DMRT1: variants seen among roughly 807,000 people sequenced by gnomAD.
The protein encoded by DMRT1 is doublesex- and mab-3-related transcription factor 1.
Under a neutral mutation model 32.3 loss-of-function variants are expected in DMRT1, and 7 were observed. The observed-to-expected ratio is 0.22, with a 90% CI of 0.12 to 0.41. DMRT1 has a LOEUF of 0.41. Among genes scored for constraint, DMRT1 ranks in the 10% least tolerant of loss-of-function variants. The pLI, the probability that DMRT1 is intolerant of heterozygous loss-of-function variation, is 1.00. For missense variants in DMRT1, 625 were observed against 500.5 expected, an observed-to-expected ratio of 1.25 and a Z score of -2.37; for synonymous variants, 278 against 206.1, an observed-to-expected ratio of 1.35 and a Z score of -2.99.
intron 2 of DMRT1, among the ~76,000 whole-genome samples, chr9:855,280 T>C (rs1221671033): frequency 7.8e-6 from 1 of 128,862 alleles, no homozygotes; most frequent in Non-Finnish European, 1.7e-5. Context: ...AGAAAACATC[T>C]AGAGCCAGGA....
At chr9:915,310 T>C (rs1270732687) in intron 3 of DMRT1, among the ~76,000 whole-genome samples, 3 of 152,198 alleles carry the variant, frequency 2.0e-5, no homozygotes, top group Non-Finnish European at 4.4e-5. Flanking sequence ...ATCAGAGTCA[T>C]CAGGGCCAGG....
At chr9:906,227 C>A (rs891574479) in intron 3 of DMRT1, among the ~76,000 whole-genome samples, 1 of 152,114 alleles carries the variant, frequency 6.6e-6, no homozygotes, top group African/African-American at 2.4e-5. Flanking sequence ...CACCAGCCTG[C>A]GTCGGATCTT....
At chr9:851,518 G>A (rs769205371) in intron 2 of DMRT1, among the ~76,000 whole-genome samples, 6 of 152,154 alleles carry the variant, frequency 3.9e-5, no homozygotes, top group African/African-American at 4.8e-5. Context: ...GATTACAGGC[G>A]TGAGCCACTG....
chr9:947,385 A>G (rs542494662), intron 4 of DMRT1, among the ~76,000 whole-genome samples: 19 of 152,322 alleles, frequency 1.2e-4, no homozygotes, highest in Admixed American at 1.2e-3. Context: ...GGCCTAGTCC[A>G]TTATTGACAG....
intron 1 of DMRT1, among the ~76,000 whole-genome samples, chr9:843,745 G>A (rs910859498): frequency 6.6e-6 from 1 of 152,190 alleles, no homozygotes; most frequent in African/African-American, 2.4e-5. Context: ...TTTTGATTAG[G>A]AACGTGTAAA....
intron 2 of DMRT1, among the ~76,000 whole-genome samples, chr9:853,840 G>C (rs555444123): frequency 6.6e-6 from 1 of 152,006 alleles, no homozygotes; most frequent in African/African-American, 2.4e-5. Context: ...CTGTCTCCCA[G>C]GCTGGAGTGT....
intron 2 of DMRT1, 29 bp downstream of exon 2, chr9:847,172 G>C (rs986078147): frequency 1.2e-6 from 2 of 1,608,980 alleles, no homozygotes; most frequent in East Asian, 4.5e-5. Context: ...GGTTCACATG[G>C]AGGCTGGGCA....
intron 4 of DMRT1, among the ~76,000 whole-genome samples, chr9:932,621 G>C (rs1818761589): frequency 6.6e-6 from 1 of 152,090 alleles, no homozygotes; most frequent in African/African-American, 2.4e-5. Context: ...ACTTTCTGAA[G>C]TTGGCCCAGA....
At chr9:903,788 T>C (rs1287708795) in intron 3 of DMRT1, among the ~76,000 whole-genome samples, 1 of 152,224 alleles carries the variant, frequency 6.6e-6, no homozygotes, top group African/African-American at 2.4e-5. Flanking sequence ...CAGACAGCTC[T>C]GACTCAGAGA....
In DMRT1 at chr9:893,962, G is replaced by A. The variant is rs1817249428; in HGVS notation, c.589G>A (p.Val197Met). 5.0e-6 allele frequency: 8 copies of A among 1,614,192 alleles called. No homozygotes were observed. The highest frequency in any genetic ancestry group is 6.8e-6 in the Non-Finnish European group (8 of 1,180,006). The change falls in exon 3 of 5, where the codon GTG (valine) becomes ATG (methionine). Residue 197 changes from valine to methionine, a missense_variant. Physicochemically the swap from Val to Met is conservative, Grantham distance 21. Around this residue, in one of 3 missense-constraint regions of DMRT1, gnomAD observed 416 missense variants for 321.6 expected, o/e 1.29. Coordinates refer to ENST00000382276, the MANE Select transcript of DMRT1 (RefSeq NM_021951.3). ...TCCTGCTGTCACCAGCAGAGGGCATGTGGAGAACACACCTGACCTGGTTTC... is the reference window on the plus strand; with the variant it reads ...TCCTGCTGTCACCAGCAGAGGGCATATGGAGAACACACCTGACCTGGTTTC... ...DIPAVTSRGH[V>M]ENTPDLVSDS... is the part of the protein sequence containing the mutation.
intron 4 of DMRT1, among the ~76,000 whole-genome samples, chr9:917,678 C>A (rs1471751900): frequency 6.6e-6 from 1 of 152,144 alleles, no homozygotes; most frequent in Non-Finnish European, 1.5e-5. Context: ...TTACTCTGTG[C>A]TAAATAAAAG....
At chr9:878,200 G>GCCCTCCCC (rs1554749478) in intron 2 of DMRT1, among the ~76,000 whole-genome samples, 1 of 94,040 alleles carries the variant, frequency 1.1e-5, no homozygotes, top group Non-Finnish European at 2.0e-5. Context: ...TGCAGCTGCT[G>GCCCTCCCC]CCCCCCCCCC....
chr9:905,407 G>A (rs1817734037), intron 3 of DMRT1, among the ~76,000 whole-genome samples: 1 of 151,868 alleles, frequency 6.6e-6, no homozygotes, highest in Non-Finnish European at 1.5e-5. Context: ...TCTATGTCTG[G>A]AGTATTTGTA....
In DMRT1 at chr9:968,255, G is replaced by C; in HGVS notation, c.*116G>C. On this transcript the variant is annotated 3_prime_UTR_variant, in exon 5 of 5. Coordinates refer to ENST00000382276, the MANE Select transcript of DMRT1 (RefSeq NM_021951.3). ...TATCTTAACTGTTGAGAACGTATTT[G>C]GTTTATATTCCTTAGAGTTTAGTCC... The C allele has an allele frequency of 7.6e-7, 1 of 1,318,136 alleles. No homozygotes were observed. Among genetic ancestry groups the C allele is most frequent in the Non-Finnish European group, 1.1e-6 (1 of 948,422 alleles). The allele number at this position is 1,318,136 out of a possible 1,614,324, so 81.7% of individuals were successfully genotyped here.
intron 3 of DMRT1, among the ~76,000 whole-genome samples, chr9:898,378 C>T (rs1010175383): frequency 3.3e-5 from 5 of 152,196 alleles, no homozygotes; most frequent in African/African-American, 1.2e-4. Context: ...CTCGGCCTCC[C>T]AAAGTGCTGG....
At chr9:956,247 T>C (rs529642658) in intron 4 of DMRT1, among the ~76,000 whole-genome samples, 1 of 152,280 alleles carries the variant, frequency 6.6e-6, no homozygotes, top group Non-Finnish European at 1.5e-5. Flanking sequence ...GAAAGTAGAA[T>C]GGTGGTTGCC....
At chr9:848,993 G>T (rs1207140489) in intron 2 of DMRT1, among the ~76,000 whole-genome samples, 6 of 150,784 alleles carry the variant, frequency 4.0e-5, no homozygotes, top group Non-Finnish European at 8.9e-5. Flanking sequence ...CTGTGGGGCT[G>T]AGATGAGAAA....
Position 916,910 on chromosome 9 carries a change from A to G in DMRT1, c.967+3A>G. On this transcript the variant is annotated splice_donor_region_variant and intron_variant, in intron 4 of 4. Coordinates refer to ENST00000382276, the MANE Select transcript of DMRT1 (RefSeq NM_021951.3). Reference sequence around the variant, plus strand: ...TTACCCGGAAGCCAGGGCGAGCGGTAGGTGTCTGGTCACACAGACTGGATT... The same window carrying G: ...TTACCCGGAAGCCAGGGCGAGCGGTGGGTGTCTGGTCACACAGACTGGATT... 6.2e-7 allele frequency: 1 copy of G among 1,614,154 alleles called. No individual in the cohort carries two copies. Among genetic ancestry groups the G allele is most frequent in the Non-Finnish European group, 8.5e-7 (1 of 1,180,024 alleles).
intron 2 of DMRT1, among the ~76,000 whole-genome samples, chr9:883,467 C>G (rs1440223265): frequency 6.6e-6 from 1 of 151,834 alleles, no homozygotes; most frequent in Non-Finnish European, 1.5e-5. Flanking sequence ...ATGACACAGC[C>G]TTTTAAAAAA....
Sources: gnomAD v4.1 joint callset for allele counts (sites outside exome capture counted in the v4.1 genomes callset) on GRCh38, gnomAD v4.1.1 for gene constraint, gnomAD v4.1.1 regional missense constraint, MANE v1.5 for transcripts, NCBI Gene and HGNC (gene_info 2026-07-23, HGNC 2026-07-21) for gene names.